ANLN: variants seen among roughly 807,000 people sequenced by gnomAD.
ANLN encodes anillin, actin binding protein.
In ANLN, 59 loss-of-function variants were observed where a neutral mutation model predicts 135.1. The observed-to-expected ratio is 0.44, with a 90% CI of 0.35 to 0.54. The LOEUF is 0.54. ANLN is among the 20% of genes least tolerant of loss of function. The pLI is 0.00. For missense variants in ANLN, 1,182 were observed against 1,340.0 expected, an observed-to-expected ratio of 0.88 and a Z score of 1.84; for synonymous variants, 406 against 456.4, an observed-to-expected ratio of 0.89 and a Z score of 1.41.
In ANLN at chr7:36,452,763, T is replaced by C; in HGVS notation, c.*163T>C. The C allele has an allele frequency of 1.5e-6, 1 of 685,924 alleles. No homozygotes were observed. The highest frequency in any genetic ancestry group is 3.1e-5 in the South Asian group (1 of 31,910). The allele number at this position is 685,924 out of a possible 1,614,324, so 42.5% of individuals were successfully genotyped here. On this transcript the variant is annotated 3_prime_UTR_variant, in exon 24 of 24. Transcript: ENST00000265748. ...TATTTATATCTTTTGTATGTAAAAC[T>C]TTAACTGATTTCTGTCATTCATCAA...
intron 7 of ANLN, among the ~76,000 whole-genome samples, chr7:36,412,327 A>ATATATATTTTTT (rs1491401014): frequency 1.1e-5 from 1 of 94,820 alleles, no homozygotes; most frequent in Non-Finnish European, 2.1e-5. Flanking sequence ...ATATATATAT[A>ATATATATTTTTT]TTTTTTTTTT....
At chr7:36,441,470 C>G (rs1199536254) in intron 21 of ANLN, among the ~76,000 whole-genome samples, 1 of 152,212 alleles carries the variant, frequency 6.6e-6, no homozygotes, top group African/African-American at 2.4e-5. Flanking sequence ...CTCCTCAGCT[C>G]AGCTTCCTTT....
chr7:36,443,920 C>G (rs898401792), intron 22 of ANLN, 58 bp downstream of exon 22: 6 of 1,193,710 alleles, frequency 5.0e-6, no homozygotes, highest in Non-Finnish European at 7.2e-6. Context: ...GTGTAGTGTT[C>G]ATGCAAATGT....
intron 3 of ANLN, among the ~76,000 whole-genome samples, chr7:36,404,115 C>A (rs1365521744): frequency 6.6e-6 from 1 of 152,122 alleles, no homozygotes; most frequent in Non-Finnish European, 1.5e-5. Flanking sequence ...AGTTTGCAGG[C>A]GCCCGTCACC....
At position 36,406,508 on chromosome 7, in the gene ANLN, C is replaced by T. The variant is rs1448222736; in HGVS notation, c.815C>T (p.Ala272Val). Reference sequence around the variant, plus strand: ...GATGGCGATGCCTCTTTGAATAAAGCCCTATCCTCAAGTGCTGATGATGCG... The same window carrying T: ...GATGGCGATGCCTCTTTGAATAAAGTCCTATCCTCAAGTGCTGATGATGCG... ...QRDGDASLNK[A>V]LSSSADDASL... Residue 272 changes from alanine (A) to valine (V), a missense_variant, in exon 4 of 24, where the codon GCC becomes GTC. Physicochemically the swap from Ala to Val is moderately conservative, Grantham distance 64 (BLOSUM62 0). Coordinates refer to ENST00000265748, the MANE Select transcript of ANLN (RefSeq NM_018685.5). The T allele has an allele frequency of 2.2e-5, 35 of 1,571,582 alleles. No individual in the cohort carries two copies. The highest frequency in any genetic ancestry group is 2.8e-5 in the Non-Finnish European group (32 of 1,155,318).
intron 23 of ANLN, among the ~76,000 whole-genome samples, chr7:36,450,313 T>A (rs1192278681): frequency 6.6e-6 from 1 of 152,336 alleles, no homozygotes; most frequent in East Asian, 1.9e-4. Context: ...TTAACCCTGA[T>A]CTCAAGTGTA....
intron 3 of ANLN, among the ~76,000 whole-genome samples, chr7:36,403,071 C>T (rs1287787473): frequency 2.6e-5 from 4 of 152,022 alleles, no homozygotes; most frequent in Admixed American, 2.0e-4. Context: ...GAGCCGAGAT[C>T]GCGCCATTAC....
intron 19 of ANLN, 28 bp from the exon 20 acceptor site, chr7:36,426,888 C>T (rs767303905): frequency 1.5e-5 from 22 of 1,448,950 alleles, no homozygotes; most frequent in Non-Finnish European, 2.0e-5. Context: ...TCATTCTGAA[C>T]TAAACTTAAT....
chr7:36,394,019 G>C (rs1331784971), intron 1 of ANLN, among the ~76,000 whole-genome samples: 3 of 152,076 alleles, frequency 2.0e-5, no homozygotes. Context: ...GTGCAGTAGC[G>C]ATCACAGCTC....
chr7:36,393,621 A>AT (rs1786572608), intron 1 of ANLN, among the ~76,000 whole-genome samples: 1 of 152,176 alleles, frequency 6.6e-6, no homozygotes, highest in African/African-American at 2.4e-5. Context: ...GTTGGGCCCT[A>AT]TATGTCAAAA....
intron 3 of ANLN, among the ~76,000 whole-genome samples, chr7:36,401,082 GATA>G (rs1310858160): frequency 3.9e-5 from 6 of 152,164 alleles, no homozygotes; most frequent in African/African-American, 1.4e-4. Context: ...TGGAAGTGAT[GATA>G]ATAATCTCAA....
At chr7:36,434,980 G>C (rs1788467681) in intron 20 of ANLN, among the ~76,000 whole-genome samples, 1 of 152,162 alleles carries the variant, frequency 6.6e-6, no homozygotes, top group African/African-American at 2.4e-5. Context: ...ATGGAGGCAG[G>C]ATTATGGGAG....
chr7:36,407,252 G>GA (rs1245908901), intron 4 of ANLN, among the ~76,000 whole-genome samples: 7 of 151,902 alleles, frequency 4.6e-5, no homozygotes, highest in South Asian at 2.1e-4. Context: ...TGTAAAATAG[G>GA]AAAAAAAGGT....
chr7:36,424,579 G>A lies in ANLN; in HGVS notation c.2638G>A (p.Glu880Lys), dbSNP rs1788004359. The change falls in exon 16 of 24, where the codon GAA becomes AAA. Residue 880 changes from glutamate to lysine, a missense_variant. Physicochemically the swap from Glu to Lys is moderately conservative, Grantham distance 56. This residue lies in a region of ANLN where 1,022 missense variants were observed against 1,134.0 expected (regional missense o/e 0.90). Coordinates refer to ENST00000265748, the MANE Select transcript of ANLN (RefSeq NM_018685.5). Reference protein sequence around the residue: ...DVSNDFEINIEVYSLVQKKDP... With the variant: ...DVSNDFEINIKVYSLVQKKDP... The stretch of plus-strand genomic sequence containing the variant: ...ATCCAATGACTTTGAAATAAATATT[G>A]AAGTTTACAGCTTGGTAAGCTGATA... 2 of 1,599,982 alleles carry A rather than the reference G, an allele frequency of 1.3e-6. No individual in the cohort carries two copies. Among genetic ancestry groups the A allele is most frequent in the Admixed American group, 1.7e-5 (1 of 59,396 alleles).
chr7:36,406,145 A>G, intron 3 of ANLN, 36 bp from the exon 4 acceptor site: 1 of 1,552,628 alleles, frequency 6.4e-7, no homozygotes, highest in South Asian at 1.2e-5. Context: ...TTACTCTTAA[A>G]CATGGTTTTT....
intron 7 of ANLN, 103 bp from the exon 8 acceptor site, chr7:36,415,655 T>A: frequency 7.8e-7 from 1 of 1,282,704 alleles, no homozygotes; most frequent in East Asian, 2.6e-5. Context: ...AGGAAACTTA[T>A]ACAGAATAAT....
chr7:36,440,239 A>G (rs1788710827), intron 21 of ANLN, among the ~76,000 whole-genome samples: 1 of 152,216 alleles, frequency 6.6e-6, no homozygotes, highest in African/African-American at 2.4e-5. Context: ...CCAGCATTGA[A>G]AGGACGGATG....
chr7:36,448,470 T>G (rs1789109685), intron 22 of ANLN, among the ~76,000 whole-genome samples: 1 of 152,202 alleles, frequency 6.6e-6, no homozygotes, highest in African/African-American at 2.4e-5. Context: ...TGCTAGGGTG[T>G]TTTAAAGCAA....
Position 36,423,829 on chromosome 7 carries a change from A to G in ANLN, c.2489A>G (p.Tyr830Cys), listed in dbSNP as rs757620809. 2.0e-5 allele frequency: 32 copies of G among 1,610,300 alleles called. No individual in the cohort carries two copies. In the South Asian group the frequency reaches 3.3e-4, roughly 17 times the overall value. The change falls in exon 15 of 24, where the codon TAC (tyrosine) becomes TGC (cysteine). Residue 830 changes from tyrosine (Y) to cysteine (C), a missense_variant. Coordinates refer to ENST00000265748, the MANE Select transcript of ANLN (RefSeq NM_018685.5). ...STVQKPDAAN[Y>C]YYLIILKAGA... is the part of the protein sequence containing the mutation. ...TTACTTCTTACAGATGCAGCAAATTACTATTACTTAATTATACTAAAAGCA... is the reference window on the plus strand; with the variant it reads ...TTACTTCTTACAGATGCAGCAAATTGCTATTACTTAATTATACTAAAAGCA...
Sources: gnomAD v4.1 joint callset for allele counts (sites outside exome capture counted in the v4.1 genomes callset) on GRCh38, gnomAD v4.1.1 for gene constraint, gnomAD v4.1.1 regional missense constraint, MANE v1.5 for transcripts, NCBI Gene and HGNC (gene_info 2026-07-23, HGNC 2026-07-21) for gene names.